Variants in SORCS3 observed in about 807,000 individuals in gnomAD.
SORCS3 encodes sortilin related VPS10 domain containing receptor 3, also known as VPS10 domain-containing receptor SorCS3.
Under a neutral mutation model 146.3 loss-of-function variants are expected in SORCS3, and 57 were observed. That is an observed-to-expected ratio of 0.39 (90% CI 0.31 to 0.49). The LOEUF is 0.49. Ranked by LOEUF, SORCS3 falls within the 20% of genes least tolerant of loss-of-function variation. The probability of loss-of-function intolerance (pLI) is 0.92; values close to 1 mark genes in which losing one functional copy is unlikely to be tolerated. For missense variants in SORCS3, 1,341 were observed against 1,575.5 expected (o/e 0.85, Z 2.52); for synonymous variants, 653 against 618.5 (o/e 1.06, Z -0.83).
intron 2 of SORCS3, among the ~76,000 whole-genome samples, chr10:104,857,636 TC>T (rs1223582172): frequency 6.6e-6 from 1 of 152,124 alleles, no homozygotes; most frequent in East Asian, 1.9e-4. Flanking sequence ...CAAAAACTTT[TC>T]CCCCCAGAAT....
chr10:104,736,300 AG>A (rs2016771766), intron 1 of SORCS3, among the ~76,000 whole-genome samples: 1 of 152,092 alleles, frequency 6.6e-6, no homozygotes, highest in South Asian at 2.1e-4. Context: ...GGGCGGGTTG[AG>A]GGGGGCAGGA....
intron 1 of SORCS3, among the ~76,000 whole-genome samples, chr10:104,834,973 A>G (rs1170885354): frequency 6.6e-6 from 1 of 151,954 alleles, no homozygotes; most frequent in Non-Finnish European, 1.5e-5. Context: ...AAAAACAGAG[A>G]AAGGGGTTAA....
intron 7 of SORCS3, among the ~76,000 whole-genome samples, chr10:105,115,143 G>T (rs2055884570): frequency 6.6e-6 from 1 of 152,142 alleles, no homozygotes; most frequent in Non-Finnish European, 1.5e-5. Flanking sequence ...TGACTTTAAA[G>T]ACCTGGGTTG....
intron 13 of SORCS3, among the ~76,000 whole-genome samples, chr10:105,177,732 G>A (rs914969571): frequency 2.6e-5 from 4 of 152,140 alleles, no homozygotes; most frequent in African/African-American, 9.7e-5. Flanking sequence ...TCCAAGGGCT[G>A]AATGGATTGT....
chr10:104,889,974 T>C (rs1388989567), intron 2 of SORCS3, among the ~76,000 whole-genome samples: 1 of 152,198 alleles, frequency 6.6e-6, no homozygotes, highest in Non-Finnish European at 1.5e-5. Context: ...AATTGGCTTA[T>C]TTTTCCTTTC....
At chr10:105,253,946 A>C (rs945251854) in intron 23 of SORCS3, among the ~76,000 whole-genome samples, 45 of 152,256 alleles carry the variant, frequency 3.0e-4, no homozygotes, top group Non-Finnish European at 5.7e-4. Flanking sequence ...GGAAGCTACA[A>C]TATCCATCCA....
chr10:104,918,840 A>G (rs1439113524), intron 3 of SORCS3, among the ~76,000 whole-genome samples: 1 of 152,212 alleles, frequency 6.6e-6, no homozygotes, highest in Non-Finnish European at 1.5e-5. Context: ...TTTCATGTAG[A>G]TGATTGATAG....
chr10:104,798,437 C>T (rs193086347), intron 1 of SORCS3, among the ~76,000 whole-genome samples: 1 of 152,276 alleles, frequency 6.6e-6, no homozygotes, highest in East Asian at 1.9e-4. Context: ...ATCTGCATAA[C>T]AATCACAGAG....
At chr10:104,855,893 A>G (rs2018325341) in intron 2 of SORCS3, among the ~76,000 whole-genome samples, 2 of 152,030 alleles carry the variant, frequency 1.3e-5, no homozygotes, top group Admixed American at 6.6e-5. Flanking sequence ...GTGCCACCAT[A>G]CCTGGCTGAT....
chr10:104,965,687 A>G, intron 3 of SORCS3, among the ~76,000 whole-genome samples: 1 of 152,082 alleles, frequency 6.6e-6, no homozygotes, highest in Non-Finnish European at 1.5e-5. Context: ...GTGATTTTGA[A>G]CATCTTTTTA....
intron 1 of SORCS3, among the ~76,000 whole-genome samples, chr10:104,645,530 C>T (rs1388258042): frequency 6.6e-6 from 1 of 152,214 alleles, no homozygotes; most frequent in Non-Finnish European, 1.5e-5. Context: ...GTCTTCATTT[C>T]CTTCCAGCAG....
chr10:105,206,313 A>G (rs2056602123), intron 16 of SORCS3, among the ~76,000 whole-genome samples: 1 of 152,218 alleles, frequency 6.6e-6, no homozygotes, highest in African/African-American at 2.4e-5. Flanking sequence ...TGGTTATTTG[A>G]GTTAAAATGA....
intron 3 of SORCS3, among the ~76,000 whole-genome samples, chr10:104,964,805 C>A (rs2054817144): frequency 6.6e-6 from 1 of 151,996 alleles, no homozygotes; most frequent in African/African-American, 2.4e-5. Flanking sequence ...GTTTTACGAC[C>A]AATCTCCAAA....
At chr10:104,689,812 C>T (rs939160356) in intron 1 of SORCS3, among the ~76,000 whole-genome samples, 1 of 152,216 alleles carries the variant, frequency 6.6e-6, no homozygotes, top group South Asian at 2.1e-4. Flanking sequence ...ACAGAAACAC[C>T]GAAGGCCTAG....
chr10:104,841,082 T>C (rs952381895), intron 1 of SORCS3, among the ~76,000 whole-genome samples: 4 of 152,100 alleles, frequency 2.6e-5, no homozygotes, highest in African/African-American at 9.7e-5. Context: ...GTATACCATA[T>C]ATACTGATTC....
intron 1 of SORCS3, among the ~76,000 whole-genome samples, chr10:104,796,243 A>G (rs954978475): frequency 2.0e-5 from 3 of 152,234 alleles, no homozygotes; most frequent in Non-Finnish European, 4.4e-5. Flanking sequence ...TTCTGTAGCT[A>G]GAACGCTAAG....
intron 1 of SORCS3, among the ~76,000 whole-genome samples, chr10:104,673,419 CGT>C (rs61501873): frequency 1.3e-3 from 185 of 145,746 alleles, no homozygotes; most frequent in South Asian, 7.4e-3. Context: ...TTCTTATTTC[CGT>C]GTGTGTGTGT....
intron 1 of SORCS3, among the ~76,000 whole-genome samples, chr10:104,713,514 G>A (rs1405927562): frequency 6.6e-6 from 1 of 152,126 alleles, no homozygotes; most frequent in African/African-American, 2.4e-5. Context: ...GTAGATGTTG[G>A]ATTTTGTCAA....
At chr10:104,827,646 T>C (rs747150939) in intron 1 of SORCS3, among the ~76,000 whole-genome samples, 1 of 152,132 alleles carries the variant, frequency 6.6e-6, no homozygotes, top group Non-Finnish European at 1.5e-5. Flanking sequence ...GCACTGGCTT[T>C]AGCCTAGATG....
Sources: allele counts gnomAD v4.1 joint callset (sites outside exome capture counted in the v4.1 genomes callset), GRCh38; gene constraint gnomAD v4.1.1; transcripts MANE v1.5; gene names NCBI Gene and HGNC (gene_info 2026-07-23, HGNC 2026-07-21).